The following KDM4B variants were observed in gnomAD, a reference collection of about 807,000 sequenced individuals.
KDM4B encodes lysine-specific demethylase 4B.
In KDM4B, 32 loss-of-function variants were observed where a neutral mutation model predicts 125.2. The ratio of observed to expected loss-of-function variants is 0.26; its 90% CI spans 0.19 to 0.34. The LOEUF is 0.34. Ranked by LOEUF, KDM4B falls within the 10% of genes least tolerant of loss-of-function variation. The pLI is 1.00. For synonymous variants in KDM4B, 721 were observed against 677.9 expected (o/e 1.06, Z -0.99); for missense variants, 1,190 against 1,577.7 (o/e 0.75, Z 4.16).
intron 6 of KDM4B, among the ~76,000 whole-genome samples, chr19:5,063,919 G>A (rs932746885): frequency 2.0e-5 from 3 of 152,164 alleles, no homozygotes; most frequent in Non-Finnish European, 2.9e-5. Flanking sequence ...AGCTGGCTCC[G>A]GGACTGCATG....
At chr19:5,094,301 G>A (rs371912833) in intron 9 of KDM4B, among the ~76,000 whole-genome samples, 3 of 152,252 alleles carry the variant, frequency 2.0e-5, no homozygotes, top group African/African-American at 4.8e-5. Flanking sequence ...GCTGAGTAGC[G>A]CGGGGAACAG....
chr19:5,052,137 G>T (rs746735986), intron 6 of KDM4B, among the ~76,000 whole-genome samples: 1 of 152,112 alleles, frequency 6.6e-6, no homozygotes, highest in Non-Finnish European at 1.5e-5. Flanking sequence ...GCTGCAAGCC[G>T]AGAATTTTCC....
rs774521530 is a variant in KDM4B, at chr19:5,131,269, G to A, written c.1509G>A (p.Pro503=). 2.8e-5 allele frequency: 45 copies of A among 1,610,192 alleles called. No homozygotes were observed. Among genetic ancestry groups the A allele is most frequent in the South Asian group, 2.6e-4 (24 of 90,908 alleles). The part of the protein sequence containing the change: ...GPAAMEESPL[P]APLNVVPPEV... ...CAGCCATGGAGGAGAGCCCCCTGCC[G>A]GCACCCCTTAATGTCGTGCCCCCTG... The change falls in exon 12 of 23, where the codon CCG becomes CCA. Residue 503 remains proline (P), a synonymous_variant. Coordinates refer to ENST00000159111, the MANE Select transcript of KDM4B (RefSeq NM_015015.3).
At chr19:5,003,113 C>G (rs1469357873) in intron 1 of KDM4B, among the ~76,000 whole-genome samples, 2 of 152,214 alleles carry the variant, frequency 1.3e-5, no homozygotes, top group African/African-American at 2.4e-5. Flanking sequence ...CACCGCCGTT[C>G]ATTCTCGCAG....
chr19:4,992,664 T>G (rs1334563666), intron 1 of KDM4B, among the ~76,000 whole-genome samples: 1 of 152,162 alleles, frequency 6.6e-6, no homozygotes, highest in East Asian at 1.9e-4. Context: ...TTCCCCAGGC[T>G]GGTCTCGTAC....
chr19:5,075,787 C>G (rs12972579), intron 7 of KDM4B: 10,330 of 152,678 alleles, frequency 0.068, 449 homozygotes, highest in Middle Eastern at 0.14. Flanking sequence ...GACCACAGCT[C>G]GGGGTCAGGC....
At chr19:5,129,584 G>C (rs2039508180) in intron 11 of KDM4B, among the ~76,000 whole-genome samples, 1 of 152,246 alleles carries the variant, frequency 6.6e-6, no homozygotes, top group Non-Finnish European at 1.5e-5. Context: ...CCTGTTGGGG[G>C]AGGTGGAGGT....
At chr19:5,127,146 C>A (rs1270879096) in intron 11 of KDM4B, among the ~76,000 whole-genome samples, 3 of 152,180 alleles carry the variant, frequency 2.0e-5, no homozygotes, top group Non-Finnish European at 4.4e-5. Context: ...TGGCTGCCCT[C>A]GGGGGCCTGG....
rs2036747738 is a variant in KDM4B, at chr19:5,039,816, C to T, written c.142-20C>T. 7.5e-6 allele frequency: 12 copies of T among 1,608,622 alleles called. No individual in the cohort carries two copies. The highest frequency in any genetic ancestry group is 4.4e-5 in the South Asian group (4 of 90,588). On this transcript the variant is annotated intron_variant, in intron 3 of 22. Coordinates refer to ENST00000159111, the MANE Select transcript of KDM4B (RefSeq NM_015015.3). ...CCTGAGGGTCTGAGGGTGCCACTGA[C>T]TCCCATCTTGGTCTTGCAGATCATC...
chr19:5,132,976 C>A (rs1404654819), intron 13 of KDM4B, among the ~76,000 whole-genome samples: 1 of 152,202 alleles, frequency 6.6e-6, no homozygotes, highest in Non-Finnish European at 1.5e-5. Context: ...TGGGCCTCCA[C>A]CTCGGGGAGC....
intron 1 of KDM4B, among the ~76,000 whole-genome samples, chr19:5,004,932 C>T (rs760682868): frequency 3.9e-5 from 6 of 152,172 alleles, no homozygotes; most frequent in African/African-American, 7.2e-5. Context: ...CAAAGTGAGA[C>T]GAGCTGGTCA....
In KDM4B at chr19:4,986,554, A is replaced by C. The variant is rs574837771; in HGVS notation, c.-109+17324A>C. Among the ~76,000 whole-genome samples the C allele has an allele frequency of 7.2e-5, 11 of 152,314 alleles. 1 individual carries two copies. In the South Asian group the frequency reaches 2.3e-3, roughly 32 times the overall value. ...GAGGGCTCGGGAGGCTGTGTCCTCC[A>C]GCGTCTCCATGTTTACTGTGCCAGG... On this transcript the variant is annotated intron_variant, in intron 1 of 22. Transcript: ENST00000159111.
In KDM4B at chr19:5,144,911, G is replaced by C; in HGVS notation, c.3021+9G>C. 1 of 1,613,100 alleles carries C rather than the reference G, an allele frequency of 6.2e-7. No individual in the cohort carries two copies. Among genetic ancestry groups the C allele is most frequent in the Non-Finnish European group, 8.5e-7 (1 of 1,179,708 alleles). Reference sequence around the variant, plus strand: ...CCAGCCACATCTACCAGGTAAGCGGGGGATCTGGCAGCCGCGCCATGCCTT... The same window carrying C: ...CCAGCCACATCTACCAGGTAAGCGGCGGATCTGGCAGCCGCGCCATGCCTT... On this transcript the variant is annotated intron_variant, in intron 21 of 22. Coordinates refer to ENST00000159111, the MANE Select transcript of KDM4B (RefSeq NM_015015.3).
chr19:5,104,337 A>G lies in KDM4B; in HGVS notation c.919-6285A>G, dbSNP rs2038995356. ...GGGCAGGGCCCAGCGTTGCACGGTAAAACTACATTAATTCAGACTCATTAA... is the reference window on the plus strand; with the variant it reads ...GGGCAGGGCCCAGCGTTGCACGGTAGAACTACATTAATTCAGACTCATTAA... On this transcript the variant is annotated intron_variant, in intron 9 of 22. Coordinates refer to ENST00000159111, the MANE Select transcript of KDM4B (RefSeq NM_015015.3). Among the ~76,000 whole-genome samples, 2 of 152,222 alleles carry G rather than the reference A, an allele frequency of 1.3e-5. 1 individual carries two copies. The highest frequency in any genetic ancestry group is 4.1e-4 in the South Asian group (2 of 4,832).
rs1051981925 is a variant in KDM4B at position 5,082,537 on chromosome 19, C to T, written c.918+33C>T. On this transcript the variant is annotated intron_variant, in intron 9 of 22. Coordinates refer to ENST00000159111, the MANE Select transcript of KDM4B (RefSeq NM_015015.3). This position sits in a 1 kb window ranked among gnomAD's most constrained non-coding sequence, Gnocchi z 5.4. ...CTTGCCTGCTGGGAACGGGTCCCAG[C>T]AGGGCGGGAGGAGGCTCTTTTTTGC... The T allele has an allele frequency of 1.3e-6, 2 of 1,551,644 alleles. No individual in the cohort carries two copies. The highest frequency in any genetic ancestry group is 2.7e-5 in the African/African-American group (2 of 73,224).
At chr19:5,028,067 C>T (rs1345086800) in intron 2 of KDM4B, among the ~76,000 whole-genome samples, 5 of 152,168 alleles carry the variant, frequency 3.3e-5, no homozygotes, top group Admixed American at 2.6e-4. Context: ...GCCTCGAAAT[C>T]CTGGCCTCAA....
At chr19:5,089,396 G>A (rs1019868133) in intron 9 of KDM4B, among the ~76,000 whole-genome samples, 2 of 152,200 alleles carry the variant, frequency 1.3e-5, no homozygotes, top group African/African-American at 4.8e-5. Context: ...TGTTGTAGTG[G>A]AAAGTTCTAT....
intron 2 of KDM4B, among the ~76,000 whole-genome samples, chr19:5,029,867 T>C (rs2036395825): frequency 6.6e-6 from 1 of 152,200 alleles, no homozygotes; most frequent in Admixed American, 6.5e-5. Context: ...AAGTTGCCCC[T>C]AGGGGGCGGT....
intron 11 of KDM4B, among the ~76,000 whole-genome samples, chr19:5,130,761 G>A (rs1432295701): frequency 6.6e-6 from 1 of 152,214 alleles, no homozygotes; most frequent in Non-Finnish European, 1.5e-5. Flanking sequence ...TTGGTGACGC[G>A]TCTCCTCACC....
Sources: allele counts gnomAD v4.1 joint callset (sites outside exome capture counted in the v4.1 genomes callset), GRCh38; gene constraint gnomAD v4.1.1; non-coding constraint Gnocchi (gnomAD v3.1); transcripts MANE v1.5; gene names NCBI Gene and HGNC (gene_info 2026-07-23, HGNC 2026-07-21).